SLC4A4: variants seen among roughly 807,000 people sequenced by gnomAD.
The protein encoded by SLC4A4 is solute carrier family 4 member 4.
SLC4A4 carries 27 observed loss-of-function variants against 111.5 expected under a neutral mutation model. The ratio of observed to expected loss-of-function variants is 0.24; its 90% CI spans 0.18 to 0.33. SLC4A4 has a LOEUF of 0.33. SLC4A4 is among the 10% of genes least tolerant of loss of function. The pLI is 1.00. For missense variants in SLC4A4, 909 were observed against 1,315.5 expected, an observed-to-expected ratio of 0.69 and a Z score of 4.78; for synonymous variants, 443 against 463.4, an observed-to-expected ratio of 0.96 and a Z score of 0.57.
chr4:71,065,416 A>G (rs1741493902), intron 1 of SLC4A4, among the ~76,000 whole-genome samples: 1 of 152,196 alleles, frequency 6.6e-6, no homozygotes, highest in African/African-American at 2.4e-5. Context: ...TATAATGAGA[A>G]AGTTATACAT....
chr4:71,478,260 G>A (rs1295284623), intron 14 of SLC4A4, among the ~76,000 whole-genome samples: 1 of 151,832 alleles, frequency 6.6e-6, no homozygotes, highest in African/African-American at 2.4e-5. Flanking sequence ...CCCGTGACTG[G>A]GTATATACCC....
At chr4:71,076,081 A>AATAAG (rs1322344309) in intron 1 of SLC4A4, among the ~76,000 whole-genome samples, 1 of 152,084 alleles carries the variant, frequency 6.6e-6, no homozygotes, top group Non-Finnish European at 1.5e-5. Flanking sequence ...TGTTTTTATC[A>AATAAG]CAACCTAACA....
chr4:71,483,719 T>G (rs1280908535), intron 14 of SLC4A4, among the ~76,000 whole-genome samples: 2 of 152,022 alleles, frequency 1.3e-5, no homozygotes, highest in Non-Finnish European at 2.9e-5. Context: ...AAATGTTATT[T>G]GTGTCTCTAG....
At chr4:71,111,545 T>A (rs1743088733) in intron 2 of SLC4A4, among the ~76,000 whole-genome samples, 2 of 142,734 alleles carry the variant, frequency 1.4e-5, no homozygotes, top group African/African-American at 5.3e-5. Flanking sequence ...TTTTTTTTTT[T>A]TTTTTTTGTA....
chr4:71,079,627 T>A (rs538016074), intron 1 of SLC4A4, among the ~76,000 whole-genome samples: 24 of 152,040 alleles, frequency 1.6e-4, no homozygotes, highest in African/African-American at 5.5e-4. Context: ...ATACAAAAAA[T>A]TAGCTGGGCG....
intron 1 of SLC4A4, among the ~76,000 whole-genome samples, chr4:71,086,044 T>A (rs1214214188): frequency 4.6e-5 from 7 of 152,034 alleles, no homozygotes; most frequent in Admixed American, 3.9e-4. Flanking sequence ...GAGCATAGAA[T>A]GTTCTTCCAT....
chr4:71,149,389 T>G (rs1223132852), intron 2 of SLC4A4, among the ~76,000 whole-genome samples: 3 of 152,070 alleles, frequency 2.0e-5, no homozygotes, highest in Non-Finnish European at 4.4e-5. Context: ...GGGGCATTGA[T>G]TAAAAAAGGT....
chr4:71,553,920 A>G (rs890719268), intron 20 of SLC4A4, among the ~76,000 whole-genome samples: 2 of 151,892 alleles, frequency 1.3e-5, no homozygotes, highest in African/African-American at 2.4e-5. Flanking sequence ...AAAATTAGCT[A>G]CATTAAAATT....
At chr4:71,254,014 C>T (rs573582429) in intron 2 of SLC4A4, among the ~76,000 whole-genome samples, 10 of 152,144 alleles carry the variant, frequency 6.6e-5, no homozygotes, top group Admixed American at 4.6e-4. Flanking sequence ...TTTAGATATA[C>T]CCCGTAGGTT....
intron 4 of SLC4A4, 50 bp downstream of exon 4, chr4:71,339,555 G>C: frequency 6.3e-7 from 1 of 1,584,370 alleles, no homozygotes; most frequent in Admixed American, 1.7e-5. Flanking sequence ...AACAAGGGCA[G>C]GGCAAGATGC....
intron 8 of SLC4A4, among the ~76,000 whole-genome samples, chr4:71,443,116 C>CTCTCTCTCTCTCTCTCTATATATATATA (rs1198759861): frequency 1.5e-5 from 1 of 65,654 alleles, no homozygotes; most frequent in African/African-American, 8.7e-5. Flanking sequence ...CTCTCTCTCT[C>CTCTCTCTCTCTCTCTCTATATATATATA]TATATATATA....
intron 7 of SLC4A4, among the ~76,000 whole-genome samples, chr4:71,402,454 C>T (rs1011145767): frequency 2.0e-5 from 3 of 152,148 alleles, no homozygotes; most frequent in Non-Finnish European, 4.4e-5. Flanking sequence ...CTTTCCATGG[C>T]TCAGTCAAAA....
At chr4:71,180,543 A>G (rs936415564) in intron 2 of SLC4A4, among the ~76,000 whole-genome samples, 2 of 152,256 alleles carry the variant, frequency 1.3e-5, no homozygotes, top group African/African-American at 4.8e-5. Context: ...TGGGCAAAGG[A>G]TATGAACAGA....
chr4:71,524,937 T>G (rs1366388083), intron 16 of SLC4A4, among the ~76,000 whole-genome samples: 1 of 152,128 alleles, frequency 6.6e-6, no homozygotes, highest in African/African-American at 2.4e-5. Flanking sequence ...AACTGCTCTG[T>G]AGACTCATGG....
chr4:71,175,052 G>A (rs1324337290), intron 2 of SLC4A4, among the ~76,000 whole-genome samples: 1 of 152,186 alleles, frequency 6.6e-6, no homozygotes, highest in Non-Finnish European at 1.5e-5. Context: ...GTTTGTAAAA[G>A]TATTAATCTA....
intron 16 of SLC4A4, among the ~76,000 whole-genome samples, chr4:71,514,153 A>G (rs1436773596): frequency 6.6e-6 from 1 of 152,124 alleles, no homozygotes; most frequent in Non-Finnish European, 1.5e-5. Context: ...CATAGAAAGT[A>G]TTAGGGGATG....
intron 2 of SLC4A4, among the ~76,000 whole-genome samples, chr4:71,102,314 T>A (rs1171097115): frequency 6.7e-6 from 1 of 149,746 alleles, no homozygotes; most frequent in East Asian, 2.0e-4. Flanking sequence ...CTGAAAGTGA[T>A]GGGGAGAATG....
intron 1 of SLC4A4, among the ~76,000 whole-genome samples, chr4:71,231,642 C>T (rs959109417): frequency 2.6e-5 from 4 of 152,164 alleles, no homozygotes; most frequent in Non-Finnish European, 4.4e-5. Flanking sequence ...CCCTTATCCC[C>T]GTGATGCTGG....
chr4:71,107,020 A>G (rs1318345134), intron 2 of SLC4A4, among the ~76,000 whole-genome samples: 1 of 151,926 alleles, frequency 6.6e-6, no homozygotes, highest in Non-Finnish European at 1.5e-5. Flanking sequence ...ATCTGTCTGT[A>G]TTATTATTGC....
Sources: allele counts gnomAD v4.1 joint callset (sites outside exome capture counted in the v4.1 genomes callset), GRCh38; gene constraint gnomAD v4.1.1; transcripts MANE v1.5; gene names NCBI Gene and HGNC (gene_info 2026-07-23, HGNC 2026-07-21).